The following UNC5C variants were observed in gnomAD, a reference collection of about 807,000 sequenced individuals.
UNC5C encodes unc-5 netrin receptor C, also known as netrin receptor UNC5C.
Under a neutral mutation model 99.8 loss-of-function variants are expected in UNC5C, and 47 were observed. The observed-to-expected ratio is 0.47, with a 90% CI of 0.37 to 0.60. UNC5C has a LOEUF of 0.60. Ranked by LOEUF, UNC5C falls within the 20% of genes least tolerant of loss-of-function variation. The pLI is 0.00. For missense variants in UNC5C, 1,062 were observed against 1,165.9 expected, an observed-to-expected ratio of 0.91 and a Z score of 1.30; for synonymous variants, 487 against 452.2, an observed-to-expected ratio of 1.08 and a Z score of -0.98.
chr4:95,277,795 T>C (rs1312013595), intron 4 of UNC5C, among the ~76,000 whole-genome samples: 10 of 152,200 alleles, frequency 6.6e-5, no homozygotes, highest in African/African-American at 2.4e-4. Flanking sequence ...ATGCAAGGTG[T>C]GTGGGCATGG....
At chr4:95,338,514 A>G (rs1743432924) in intron 1 of UNC5C, among the ~76,000 whole-genome samples, 1 of 152,068 alleles carries the variant, frequency 6.6e-6, no homozygotes, top group Admixed American at 6.6e-5. Flanking sequence ...CCTCTGTGTA[A>G]TGCATTTGCC....
intron 7 of UNC5C, among the ~76,000 whole-genome samples, chr4:95,242,093 A>G (rs11730446): frequency 0.43 from 65,105 of 151,916 alleles, 14,243 homozygotes; most frequent in East Asian, 0.62. Flanking sequence ...CTTACATTTT[A>G]GAAGTCTTGT....
At chr4:95,243,207 AT>A (rs957564924) in intron 6 of UNC5C, among the ~76,000 whole-genome samples, 1 of 151,962 alleles carries the variant, frequency 6.6e-6, no homozygotes, top group Admixed American at 6.6e-5. Flanking sequence ...TTTTTCATTT[AT>A]TATTTGATGA....
intron 1 of UNC5C, among the ~76,000 whole-genome samples, chr4:95,541,093 C>T (rs1468129295): frequency 6.6e-6 from 1 of 152,136 alleles, no homozygotes; most frequent in African/African-American, 2.4e-5. Context: ...AGAAGAGTCC[C>T]AAATTGCTCC....
chr4:95,352,545 C>G (rs188845593), intron 1 of UNC5C, among the ~76,000 whole-genome samples: 45 of 152,264 alleles, frequency 3.0e-4, no homozygotes, highest in Non-Finnish European at 2.4e-4. Flanking sequence ...CAATAAAACT[C>G]CAAGCTTTAT....
chr4:95,217,923 A>C (rs926043166), intron 9 of UNC5C, among the ~76,000 whole-genome samples: 1 of 152,342 alleles, frequency 6.6e-6, no homozygotes, highest in African/African-American at 2.4e-5. Flanking sequence ...CAGCTATGTA[A>C]ACTGTGAAGA....
chr4:95,350,523 T>A (rs1743948444), intron 1 of UNC5C, among the ~76,000 whole-genome samples: 1 of 151,988 alleles, frequency 6.6e-6, no homozygotes, highest in Non-Finnish European at 1.5e-5. Context: ...TACTCCCTAT[T>A]AATGATTAGA....
chr4:95,417,703 G>A (rs1198771414), intron 1 of UNC5C, among the ~76,000 whole-genome samples: 1 of 152,196 alleles, frequency 6.6e-6, no homozygotes, highest in Admixed American at 6.5e-5. Context: ...CAAAGGGAAT[G>A]AGTAGGTGAG....
At chr4:95,421,344 T>C (rs1746312664) in intron 1 of UNC5C, among the ~76,000 whole-genome samples, 1 of 152,198 alleles carries the variant, frequency 6.6e-6, no homozygotes. Flanking sequence ...ATAAGCCCAC[T>C]GTTCTCTGGC....
intron 1 of UNC5C, among the ~76,000 whole-genome samples, chr4:95,436,707 A>G (rs989035914): frequency 1.3e-5 from 2 of 152,024 alleles, no homozygotes. Context: ...ATGCTAGTCA[A>G]TCTATAACCA....
chr4:95,412,761 T>G (rs1430416705), intron 1 of UNC5C, among the ~76,000 whole-genome samples: 1 of 152,208 alleles, frequency 6.6e-6, no homozygotes, highest in East Asian at 1.9e-4. Flanking sequence ...AGTCACCAAC[T>G]GACCCTGAAG....
chr4:95,439,959 G>A (rs1746901569), intron 1 of UNC5C, among the ~76,000 whole-genome samples: 1 of 152,190 alleles, frequency 6.6e-6, no homozygotes, highest in Admixed American at 6.5e-5. Flanking sequence ...GAGAGGACAA[G>A]CTAAGAGCTG....
chr4:95,333,821 G>A (rs148954822), intron 2 of UNC5C, among the ~76,000 whole-genome samples: 2 of 152,068 alleles, frequency 1.3e-5, no homozygotes, highest in African/African-American at 4.8e-5. Context: ...ACGTATTTGA[G>A]TTTTTGTTAT....
chr4:95,488,822 T>C (rs1270187370), intron 1 of UNC5C, among the ~76,000 whole-genome samples: 3 of 151,720 alleles, frequency 2.0e-5, no homozygotes, highest in African/African-American at 4.8e-5. Context: ...TAGATAACTT[T>C]AGATAAAAAT....
intron 1 of UNC5C, among the ~76,000 whole-genome samples, chr4:95,547,065 C>G (rs746147074): frequency 6.6e-6 from 1 of 151,964 alleles, no homozygotes; most frequent in Non-Finnish European, 1.5e-5. Flanking sequence ...AAACACCCCC[C>G]TCTAAGCACC....
At chr4:95,265,030 A>C (rs943647632) in intron 4 of UNC5C, among the ~76,000 whole-genome samples, 1 of 152,174 alleles carries the variant, frequency 6.6e-6, no homozygotes, top group African/African-American at 2.4e-5. Flanking sequence ...CGCTTAAGCC[A>C]TCCTGATGCC....
chr4:95,455,671 T>C (rs983672431), intron 1 of UNC5C, among the ~76,000 whole-genome samples: 2 of 152,006 alleles, frequency 1.3e-5, no homozygotes, highest in Admixed American at 1.3e-4. Flanking sequence ...TATCTAATTA[T>C]CCTTATTCTG....
intron 1 of UNC5C, among the ~76,000 whole-genome samples, chr4:95,534,276 A>G (rs1214898528): frequency 6.6e-6 from 1 of 152,150 alleles, no homozygotes; most frequent in Non-Finnish European, 1.5e-5. Context: ...TAGTTAGTTA[A>G]TGCGTCTATT....
intron 1 of UNC5C, among the ~76,000 whole-genome samples, chr4:95,503,671 T>C (rs1721836740): frequency 6.6e-6 from 1 of 152,168 alleles, no homozygotes; most frequent in South Asian, 2.1e-4. Context: ...GCTAAAATAA[T>C]AGAATAATCA....
Sources: allele counts gnomAD v4.1 joint callset (sites outside exome capture counted in the v4.1 genomes callset), GRCh38; gene constraint gnomAD v4.1.1; transcripts MANE v1.5; gene names NCBI Gene and HGNC (gene_info 2026-07-23, HGNC 2026-07-21).